Variants in ANXA2 observed in about 807,000 individuals in gnomAD.
ANXA2 encodes the protein annexin II.
In ANXA2, 28 loss-of-function variants were observed where a neutral mutation model predicts 47.3. The ratio of observed to expected loss-of-function variants is 0.59; its 90% CI spans 0.44 to 0.81. ANXA2 has a LOEUF of 0.81. ANXA2 is among the 40% of genes least tolerant of loss of function. ANXA2 has a pLI of 0.00. For synonymous variants in ANXA2, 172 were observed against 155.5 expected, an observed-to-expected ratio of 1.11 and a Z score of -0.79; for missense variants, 384 against 414.3, an observed-to-expected ratio of 0.93 and a Z score of 0.64.
chr15:60,395,174 T>C (rs1033103890), intron 1 of ANXA2, among the ~76,000 whole-genome samples: 2 of 152,170 alleles, frequency 1.3e-5, no homozygotes, highest in African/African-American at 2.4e-5. Flanking sequence ...CTAGTATTAA[T>C]TTGGGAAAAT....
chr15:60,394,416 G>A (rs1466413936), intron 1 of ANXA2, among the ~76,000 whole-genome samples: 4 of 151,822 alleles, frequency 2.6e-5, no homozygotes, highest in South Asian at 4.1e-4. Context: ...GCTTCAGGGT[G>A]GGCCAGGCAT....
rs1431471877 is a variant in ANXA2, at chr15:60,381,981, C to G, written c.148+361G>C. Among the ~76,000 whole-genome samples, 3 of 139,048 alleles carry G rather than the reference C, an allele frequency of 2.2e-5. No individual in the cohort carries two copies. The East Asian group carries it at 6.4e-4, about 30-fold the overall frequency. The allele number at this position is 139,048 out of a possible 152,430, so 91.2% of individuals were successfully genotyped here. The stretch of plus-strand genomic sequence containing the variant: ...TAAAATACTATCTCATGCTGTACAT[C>G]TCTCCAAAGAGAAGAAACGGGGGGT... On this transcript the variant is annotated intron_variant, in intron 3 of 12. Transcript: ENST00000451270.
At chr15:60,367,319 G>A (rs1455928054) in intron 3 of ANXA2, among the ~76,000 whole-genome samples, 32 of 115,846 alleles carry the variant, frequency 2.8e-4, no homozygotes, top group African/African-American at 8.2e-4. Context: ...GGTGAGGGGC[G>A]CCTCTGCCCG....
intron 7 of ANXA2, among the ~76,000 whole-genome samples, 167 bp from the exon 8 acceptor site, chr15:60,354,380 G>A (rs979287677): frequency 8.5e-5 from 13 of 152,078 alleles, no homozygotes; most frequent in Admixed American, 2.6e-4. Flanking sequence ...GGTGGCTCAC[G>A]CCTGTAATCC....
At chr15:60,351,648 G>T in intron 10 of ANXA2, 76 bp downstream of exon 10, 1 of 936,820 alleles carries the variant, frequency 1.1e-6, no homozygotes, top group Non-Finnish European at 1.8e-6. Context: ...AACACATTTG[G>T]ATTAACAGGA....
At chr15:60,370,045 C>T (rs1335979997) in intron 3 of ANXA2, among the ~76,000 whole-genome samples, 1 of 152,144 alleles carries the variant, frequency 6.6e-6, no homozygotes, top group South Asian at 2.1e-4. Context: ...TCGGAGATCC[C>T]CATAAAGAGC....
intron 3 of ANXA2, among the ~76,000 whole-genome samples, chr15:60,376,949 C>T (rs944768452): frequency 6.6e-6 from 1 of 152,270 alleles, no homozygotes; most frequent in Non-Finnish European, 1.5e-5. Flanking sequence ...CGTCCCGGCA[C>T]ACTCACACAC....
chr15:60,397,940 T>A lies in ANXA2; in HGVS notation c.-12+3A>T, dbSNP rs969912120. 1 of 1,303,552 alleles carries A rather than the reference T, an allele frequency of 7.7e-7. No individual in the cohort carries two copies. Among genetic ancestry groups the A allele is most frequent in the African/African-American group, 1.5e-5 (1 of 65,100 alleles). 80.7% of individuals were successfully genotyped at this position (1,303,552 alleles called of 1,614,324 possible). On this transcript the variant is annotated splice_donor_region_variant and intron_variant, in intron 1 of 12. Transcript: ENST00000451270. Reference sequence around the variant, plus strand: ...GCGGGCGGGCAGGGCGCGCCCCGCTTACCTGGGCCGTGCGCCGAGAGCTGA... The same window carrying A: ...GCGGGCGGGCAGGGCGCGCCCCGCTAACCTGGGCCGTGCGCCGAGAGCTGA...
chr15:60,373,161 C>A (rs1595690072), intron 3 of ANXA2, among the ~76,000 whole-genome samples: 1 of 152,166 alleles, frequency 6.6e-6, no homozygotes, highest in African/African-American at 2.4e-5. Context: ...GGATATGGTA[C>A]AATAATGTGT....
intron 1 of ANXA2, chr15:60,393,633 A>T: frequency 3.0e-6 from 3 of 985,428 alleles, no homozygotes; most frequent in Non-Finnish European, 3.6e-6. Flanking sequence ...CTCAATCTTA[A>T]TTAGCTGACA....
rs1203192888 is a variant in ANXA2, at chr15:60,347,240, C to T, written c.*390G>A. ...CATACTGTACAGCTCAGTCCCAGAG[C>T]TTTCTTCCTACAGGGACAGCCTCAC... On this transcript the variant is annotated 3_prime_UTR_variant, in exon 13 of 13. Coordinates refer to ENST00000451270, the MANE Select transcript of ANXA2 (RefSeq NM_004039.3). 4.2e-6 allele frequency: 1 copy of T among 239,830 alleles called. No homozygotes were observed. The highest frequency in any genetic ancestry group is 6.9e-5 in the South Asian group (1 of 14,414). The allele number at this position is 239,830 out of a possible 1,614,324, so 14.9% of individuals were successfully genotyped here. A position where few individuals can be genotyped will look rare whatever the true frequency, so the allele number is the denominator to read the frequency against.
At chr15:60,391,678 T>C (rs1261574164) in intron 1 of ANXA2, among the ~76,000 whole-genome samples, 3 of 152,212 alleles carry the variant, frequency 2.0e-5, no homozygotes, top group African/African-American at 7.2e-5. Context: ...TACTTACTGT[T>C]TTGAATGAAA....
chr15:60,392,301 G>T (rs1269240659), intron 1 of ANXA2, among the ~76,000 whole-genome samples: 2 of 151,844 alleles, frequency 1.3e-5, no homozygotes, highest in African/African-American at 4.8e-5. Context: ...TTAACATAAG[G>T]ACTATATTAT....
chr15:60,362,343 G>A (rs576903502), intron 4 of ANXA2, among the ~76,000 whole-genome samples: 7 of 152,166 alleles, frequency 4.6e-5, no homozygotes, highest in South Asian at 2.1e-4. Flanking sequence ...CCTTATGGGC[G>A]TTCAACTTCC....
chr15:60,361,914 T>A (rs146966474), intron 4 of ANXA2, among the ~76,000 whole-genome samples: 76 of 152,186 alleles, frequency 5.0e-4, no homozygotes, highest in African/African-American at 1.8e-3. Context: ...CGCTTTTTTT[T>A]TTTTCTTCTC....
intron 1 of ANXA2, 194 bp downstream of exon 1, chr15:60,397,749 G>T: frequency 1.4e-5 from 11 of 774,424 alleles, no homozygotes; most frequent in African/African-American, 2.2e-5. Context: ...CCTCACCCCT[G>T]CCCCAAACAC....
At position 60,354,160 on chromosome 15, in the gene ANXA2, A is replaced by G; in HGVS notation, c.582T>C (p.Asp194=). Residue 194 remains aspartate (D), a synonymous_variant, in exon 8 of 13, where the codon GAT becomes GAC. Transcript: ENST00000451270. ...CAAAAAGCTCAGCACTTACCCGAGC[A>G]TCTTGGTCAATCAGTTCATAATCAA... is the stretch of plus-strand genomic sequence containing the variant. ...SVIDYELIDQ[D]ARDLYDAGVK... The G allele has an allele frequency of 6.2e-7, 1 of 1,613,924 alleles. No homozygotes were observed. The highest frequency in any genetic ancestry group is 8.5e-7 in the Non-Finnish European group (1 of 1,179,836).
intron 1 of ANXA2, chr15:60,393,149 C>G: frequency 7.8e-7 from 1 of 1,276,036 alleles, no homozygotes; most frequent in Non-Finnish European, 1.0e-6. Context: ...TGACCTCGAT[C>G]AAACTGAGCA....
intron 3 of ANXA2, among the ~76,000 whole-genome samples, chr15:60,366,190 G>C (rs1050110342): frequency 2.0e-5 from 3 of 146,654 alleles, no homozygotes; most frequent in African/African-American, 5.1e-5. Flanking sequence ...GCGTGATCTC[G>C]GCTCGCTACA....
Sources: gnomAD v4.1 joint callset for allele counts (sites outside exome capture counted in the v4.1 genomes callset) on GRCh38, gnomAD v4.1.1 for gene constraint, MANE v1.5 for transcripts, NCBI Gene and HGNC (gene_info 2026-07-23, HGNC 2026-07-21) for gene names.